The following RARB variants were observed in gnomAD, a reference collection of about 807,000 sequenced individuals.
RARB encodes retinoic acid receptor beta.
A neutral mutation model predicts 51.9 loss-of-function variants in RARB; 17 were observed. The observed-to-expected ratio is 0.33, with a 90% CI of 0.22 to 0.49. RARB has a LOEUF of 0.49. Ranked by LOEUF, RARB falls within the 20% of genes least tolerant of loss-of-function variation. RARB has a pLI of 0.99. For missense variants in RARB, 369 were observed against 550.8 expected (o/e 0.67, Z 3.30); for synonymous variants, 215 against 195.4 (o/e 1.10, Z -0.84).
intron 2 of RARB, among the ~76,000 whole-genome samples, chr3:24,864,788 T>C (rs1341232438): frequency 6.6e-6 from 1 of 152,188 alleles, no homozygotes; most frequent in Non-Finnish European, 1.5e-5. Flanking sequence ...ATCAATCTTT[T>C]ACAAAAAAGT....
At chr3:25,472,607 C>T (rs1366817467) in intron 2 of RARB, among the ~76,000 whole-genome samples, 6 of 152,208 alleles carry the variant, frequency 3.9e-5, no homozygotes, top group Non-Finnish European at 7.3e-5. Context: ...AGAGCAGATT[C>T]TACCATCTGT....
At chr3:25,217,246 T>C (rs1701854428) in intron 5 of RARB, among the ~76,000 whole-genome samples, 1 of 152,202 alleles carries the variant, frequency 6.6e-6, no homozygotes, top group South Asian at 2.1e-4. Flanking sequence ...AGTATTTAAT[T>C]TTACCAGTGT....
At chr3:25,100,939 C>A (rs73044580) in intron 3 of RARB, among the ~76,000 whole-genome samples, 17,572 of 152,218 alleles carry the variant, frequency 0.12, 1,124 homozygotes, top group Middle Eastern at 0.15. Context: ...TAGCCCTACA[C>A]TCGGAGCTGA....
At chr3:25,318,208 A>G (rs1300234644) in intron 5 of RARB, among the ~76,000 whole-genome samples, 1 of 152,168 alleles carries the variant, frequency 6.6e-6, no homozygotes, top group Non-Finnish European at 1.5e-5. Flanking sequence ...CACCATCAGC[A>G]CTAAATTCCA....
intron 1 of RARB, among the ~76,000 whole-genome samples, chr3:25,446,802 C>CAAAAAAAAAAAAAAA (rs5847356): frequency 4.3e-5 from 3 of 69,076 alleles, no homozygotes; most frequent in African/African-American, 6.5e-5. Flanking sequence ...GACTCCGTCT[C>CAAAAAAAAAAAAAAA]AAAAAAAAAA....
chr3:25,154,623 T>C (rs1483457987), intron 4 of RARB, among the ~76,000 whole-genome samples: 2 of 152,212 alleles, frequency 1.3e-5, no homozygotes, highest in Non-Finnish European at 2.9e-5. Flanking sequence ...CACCAGTGGG[T>C]ACATGCAGGA....
At chr3:25,380,971 G>A (rs1206508390) in intron 5 of RARB, among the ~76,000 whole-genome samples, 1 of 151,916 alleles carries the variant, frequency 6.6e-6, no homozygotes, top group Non-Finnish European at 1.5e-5. Flanking sequence ...CTTTCCATCT[G>A]GTTATTTTTA....
chr3:25,024,825 C>A (rs1436766717), intron 2 of RARB, among the ~76,000 whole-genome samples: 1 of 151,764 alleles, frequency 6.6e-6, no homozygotes, highest in Non-Finnish European at 1.5e-5. Context: ...TGGTGACACA[C>A]GGCAGTAGTC....
chr3:25,391,894 A>C (rs932128179), intron 5 of RARB, among the ~76,000 whole-genome samples: 2 of 152,040 alleles, frequency 1.3e-5, no homozygotes, highest in African/African-American at 2.4e-5. Context: ...TTTTAGTTTA[A>C]TTAAGTCTCA....
At chr3:24,971,525 A>G (rs570508604) in intron 2 of RARB, among the ~76,000 whole-genome samples, 2 of 152,138 alleles carry the variant, frequency 1.3e-5, no homozygotes, top group South Asian at 2.1e-4. Context: ...ATTCCTTGTA[A>G]TGATGTTTCT....
chr3:25,141,676 C>T (rs1232466645), intron 4 of RARB, among the ~76,000 whole-genome samples: 1 of 152,122 alleles, frequency 6.6e-6, no homozygotes, highest in Admixed American at 6.6e-5. Context: ...GCTTTCTGCA[C>T]CTGTATATTT....
intron 2 of RARB, among the ~76,000 whole-genome samples, chr3:24,873,951 G>A (rs1303225149): frequency 1.3e-5 from 2 of 151,878 alleles, no homozygotes. Context: ...ATGTTCAGGG[G>A]AAAAGTTAAA....
At chr3:25,384,739 A>G (rs894754526) in intron 5 of RARB, among the ~76,000 whole-genome samples, 1 of 152,214 alleles carries the variant, frequency 6.6e-6, no homozygotes, top group African/African-American at 2.4e-5. Context: ...AGTTTATTTC[A>G]GTTGTCTACG....
At chr3:24,986,547 T>G (rs1278177584) in intron 2 of RARB, among the ~76,000 whole-genome samples, 2 of 152,224 alleles carry the variant, frequency 1.3e-5, no homozygotes, top group Non-Finnish European at 2.9e-5. Flanking sequence ...TAAAGAAATA[T>G]TAATAGTAGT....
chr3:25,534,194 A>G (rs771031099), intron 3 of RARB, among the ~76,000 whole-genome samples: 1 of 152,250 alleles, frequency 6.6e-6, no homozygotes, highest in Non-Finnish European at 1.5e-5. Flanking sequence ...CTGAAAACCC[A>G]GCTTCACCAT....
intron 2 of RARB, among the ~76,000 whole-genome samples, chr3:24,916,547 C>A (rs1488196580): frequency 1.3e-5 from 2 of 152,054 alleles, no homozygotes; most frequent in African/African-American, 4.8e-5. Context: ...CTCTCTGATA[C>A]CTGTGATGTC....
At chr3:25,165,559 G>A (rs181977344) in intron 4 of RARB, among the ~76,000 whole-genome samples, 41 of 152,234 alleles carry the variant, frequency 2.7e-4, no homozygotes, top group Admixed American at 7.2e-4. Flanking sequence ...CCAGTCATTC[G>A]CTTGGCTTGG....
intron 5 of RARB, among the ~76,000 whole-genome samples, chr3:25,246,718 A>C (rs561591554): frequency 3.0e-4 from 45 of 152,204 alleles, no homozygotes; most frequent in African/African-American, 1.1e-3. Flanking sequence ...GGTGCCTGCC[A>C]GATGCCCACT....
At chr3:25,385,154 A>G (rs1208730290) in intron 5 of RARB, among the ~76,000 whole-genome samples, 1 of 152,190 alleles carries the variant, frequency 6.6e-6, no homozygotes, top group Non-Finnish European at 1.5e-5. Flanking sequence ...TTCTAGTCAC[A>G]TAGCCATTTT....
Sources: allele counts gnomAD v4.1 joint callset (sites outside exome capture counted in the v4.1 genomes callset), GRCh38; gene constraint gnomAD v4.1.1; transcripts MANE v1.5; gene names NCBI Gene and HGNC (gene_info 2026-07-23, HGNC 2026-07-21).